CTNNA2: variants seen among roughly 807,000 people sequenced by gnomAD.
CTNNA2 encodes catenin alpha 2.
A neutral mutation model predicts 101.0 loss-of-function variants in CTNNA2; 42 were observed. That is an observed-to-expected ratio of 0.42 (90% CI 0.32 to 0.54). The LOEUF is 0.54. Among genes scored for constraint, CTNNA2 ranks in the 20% least tolerant of loss-of-function variants. The pLI, the probability that CTNNA2 is intolerant of heterozygous loss-of-function variation, is 0.14. For missense variants in CTNNA2, 871 were observed against 1,223.1 expected (o/e 0.71, Z 4.29); for synonymous variants, 450 against 456.4 (o/e 0.99, Z 0.18).
At chr2:80,322,994 C>T (rs776925503) in intron 7 of CTNNA2, among the ~76,000 whole-genome samples, 5 of 152,140 alleles carry the variant, frequency 3.3e-5, no homozygotes, top group Non-Finnish European at 5.9e-5. Flanking sequence ...GGGTATTAAC[C>T]GGAGAGGAAC....
At chr2:80,476,415 G>C (rs1032204920) in intron 9 of CTNNA2, among the ~76,000 whole-genome samples, 2 of 152,098 alleles carry the variant, frequency 1.3e-5, no homozygotes, top group Admixed American at 6.6e-5. Flanking sequence ...TGATACACTA[G>C]TTGTAGGAAA....
chr2:79,239,018 G>A (rs1674590825), intron 2 of CTNNA2, among the ~76,000 whole-genome samples: 1 of 152,068 alleles, frequency 6.6e-6, no homozygotes, highest in South Asian at 2.1e-4. Context: ...TGTTACATAG[G>A]TAAACATGTG....
At chr2:79,895,916 A>G (rs1177074695) in intron 6 of CTNNA2, among the ~76,000 whole-genome samples, 4 of 152,142 alleles carry the variant, frequency 2.6e-5, no homozygotes, top group African/African-American at 7.2e-5. Flanking sequence ...TGGCTTAATC[A>G]AATCTTCAGA....
chr2:80,021,283 G>C (rs949160508), intron 7 of CTNNA2, among the ~76,000 whole-genome samples: 1 of 152,044 alleles, frequency 6.6e-6, no homozygotes, highest in Non-Finnish European at 1.5e-5. Context: ...GCCTCCCAAA[G>C]TGCTGGGATT....
intron 2 of CTNNA2, among the ~76,000 whole-genome samples, chr2:79,204,577 T>C (rs1674077920): frequency 6.6e-6 from 1 of 152,250 alleles, no homozygotes; most frequent in Admixed American, 6.5e-5. Context: ...TCCATAATTC[T>C]CTGACATTCC....
At chr2:79,470,779 T>C (rs1427841129) in intron 4 of CTNNA2, among the ~76,000 whole-genome samples, 1 of 152,190 alleles carries the variant, frequency 6.6e-6, no homozygotes, top group African/African-American at 2.4e-5. Context: ...TTTACTCTCA[T>C]TGATGTGGAA....
At chr2:79,897,342 A>AG (rs1253681025) in intron 6 of CTNNA2, among the ~76,000 whole-genome samples, 2 of 151,490 alleles carry the variant, frequency 1.3e-5, no homozygotes, top group African/African-American at 4.9e-5. Flanking sequence ...GAGAAAAAAA[A>AG]AAGATAAATT....
chr2:79,820,929 G>T (rs996000761), intron 3 of CTNNA2, among the ~76,000 whole-genome samples: 3 of 152,046 alleles, frequency 2.0e-5, no homozygotes, highest in Non-Finnish European at 4.4e-5. Context: ...TTTAATGGTT[G>T]TTGTCTTTTA....
intron 7 of CTNNA2, among the ~76,000 whole-genome samples, chr2:80,022,794 G>A (rs7608508): frequency 0.054 from 8,227 of 152,202 alleles, 636 homozygotes; most frequent in African/African-American, 0.17. Context: ...GGAGGCAAGA[G>A]AGATTAGTCA....
chr2:80,617,681 T>G (rs956222970), intron 17 of CTNNA2, among the ~76,000 whole-genome samples: 1 of 151,790 alleles, frequency 6.6e-6, no homozygotes, highest in African/African-American at 2.4e-5. Context: ...TCAGTTTGAA[T>G]TTAGTAGCTT....
intron 12 of CTNNA2, among the ~76,000 whole-genome samples, chr2:80,561,967 C>T (rs954386295): frequency 2.6e-4 from 39 of 151,844 alleles, no homozygotes; most frequent in African/African-American, 7.8e-4. Flanking sequence ...TGAGCCACCG[C>T]GCCTGGCCAC....
intron 4 of CTNNA2, among the ~76,000 whole-genome samples, chr2:79,440,628 A>G (rs573472911): frequency 2.6e-5 from 4 of 152,246 alleles, no homozygotes; most frequent in Non-Finnish European, 5.9e-5. Flanking sequence ...CCATCCATAT[A>G]CCTAAGTGCC....
chr2:79,427,303 T>C (rs1342783373), intron 4 of CTNNA2, among the ~76,000 whole-genome samples: 4 of 151,992 alleles, frequency 2.6e-5, no homozygotes, highest in African/African-American at 9.7e-5. Context: ...TATCATCCTA[T>C]CAGAAGTTGG....
intron 1 of CTNNA2, among the ~76,000 whole-genome samples, chr2:79,188,031 A>G (rs1020623765): frequency 1.3e-5 from 2 of 152,348 alleles, no homozygotes; most frequent in Admixed American, 1.3e-4. Flanking sequence ...GGATATCATA[A>G]TTTCTGAGTC....
At chr2:79,761,377 A>G (rs565697272) in intron 3 of CTNNA2, among the ~76,000 whole-genome samples, 1 of 152,270 alleles carries the variant, frequency 6.6e-6, no homozygotes, top group South Asian at 2.1e-4. Context: ...CTGGCCTTCT[A>G]TTTTGAATTT....
intron 9 of CTNNA2, among the ~76,000 whole-genome samples, chr2:80,443,981 C>A (rs964446886): frequency 2.0e-4 from 30 of 152,086 alleles, no homozygotes; most frequent in African/African-American, 7.2e-4. Flanking sequence ...AGGTTAAAAT[C>A]ATGACATGAA....
intron 7 of CTNNA2, among the ~76,000 whole-genome samples, chr2:80,033,367 A>T (rs1434936370): frequency 6.6e-6 from 1 of 151,930 alleles, no homozygotes; most frequent in Admixed American, 6.6e-5. Flanking sequence ...AAGCCTAGGA[A>T]TTCAAGACCA....
chr2:79,481,810 G>T (rs1041152693), intron 4 of CTNNA2, among the ~76,000 whole-genome samples: 1 of 152,156 alleles, frequency 6.6e-6, no homozygotes, highest in African/African-American at 2.4e-5. Flanking sequence ...TTTAAAAGAA[G>T]AAGACAGACG....
At chr2:79,298,812 A>C (rs1676041093) in intron 2 of CTNNA2, among the ~76,000 whole-genome samples, 1 of 152,184 alleles carries the variant, frequency 6.6e-6, no homozygotes, top group South Asian at 2.1e-4. Flanking sequence ...ATTCAAAACT[A>C]AATCTACCTT....
Sources: gnomAD v4.1 joint callset for allele counts (sites outside exome capture counted in the v4.1 genomes callset) on GRCh38, gnomAD v4.1.1 for gene constraint, MANE v1.5 for transcripts, NCBI Gene and HGNC (gene_info 2026-07-23, HGNC 2026-07-21) for gene names.